The following KCNIP1 variants were observed in gnomAD, a reference collection of about 807,000 sequenced individuals.
KCNIP1 encodes the protein potassium voltage-gated channel interacting protein 1, also known as A-type potassium channel modulatory protein KCNIP1.
In KCNIP1, 18 loss-of-function variants were observed where a neutral mutation model predicts 33.0. The observed-to-expected ratio is 0.55, with a 90% CI of 0.38 to 0.81. KCNIP1 has a LOEUF of 0.81. Among genes scored for constraint, KCNIP1 ranks in the 30% least tolerant of loss-of-function variants. The pLI, the probability that KCNIP1 is intolerant of heterozygous loss-of-function variation, is 0.00. For synonymous variants in KCNIP1, 93 were observed against 98.3 expected (o/e 0.95, Z 0.32); for missense variants, 238 against 271.6 (o/e 0.88, Z 0.87).
chr5:170,619,047 A>G (rs1254145979), intron 1 of KCNIP1, among the ~76,000 whole-genome samples: 4 of 148,234 alleles, frequency 2.7e-5, no homozygotes, highest in South Asian at 2.1e-4. Context: ...TGCCTAGCAC[A>G]TGGTAAGTGT....
intron 1 of KCNIP1, among the ~76,000 whole-genome samples, chr5:170,624,618 G>T (rs115338108): frequency 6.6e-6 from 1 of 151,370 alleles, no homozygotes; most frequent in African/African-American, 2.4e-5. Context: ...AATCTCACAC[G>T]CAGTTTAAAC....
chr5:170,524,694 G>A (rs1460743118), intron 1 of KCNIP1, among the ~76,000 whole-genome samples: 1 of 152,116 alleles, frequency 6.6e-6, no homozygotes, highest in Admixed American at 6.6e-5. Context: ...TATGGGGCGG[G>A]GCGGGAATTC....
chr5:170,643,250 T>A (rs568018464), intron 1 of KCNIP1, among the ~76,000 whole-genome samples: 16 of 152,370 alleles, frequency 1.1e-4, no homozygotes, highest in Admixed American at 5.9e-4. Flanking sequence ...GTTTTCTCTG[T>A]GAGCTTCCCC....
At chr5:170,637,225 G>C (rs921342899) in intron 1 of KCNIP1, among the ~76,000 whole-genome samples, 15 of 151,850 alleles carry the variant, frequency 9.9e-5, no homozygotes, top group Non-Finnish European at 1.8e-4. Context: ...CCAGAACCAC[G>C]GCCCTTGACA....
rs898609574 is a variant in KCNIP1, at chr5:170,628,748, G to A, written c.62-90010G>A. Among the ~76,000 whole-genome samples the A allele has an allele frequency of 3.3e-5, 5 of 152,292 alleles. No individual in the cohort carries two copies. The South Asian group carries it at 6.2e-4, about 19-fold the overall frequency. ...CAATACATGAATATTGACACACAAC[G>A]CTGCAGTGCACGCGCTTCTGGCAGG... On this transcript the variant is annotated intron_variant, in intron 1 of 7. Transcript: ENST00000328939.
intron 1 of KCNIP1, among the ~76,000 whole-genome samples, chr5:170,631,110 A>C (rs1170681672): frequency 6.6e-6 from 1 of 152,132 alleles, no homozygotes; most frequent in African/African-American, 2.4e-5. Context: ...CTCCTCTATG[A>C]ATGGGGACAA....
chr5:170,487,214 G>C (rs1757116499), intron 1 of KCNIP1, among the ~76,000 whole-genome samples: 1 of 152,178 alleles, frequency 6.6e-6, no homozygotes, highest in Non-Finnish European at 1.5e-5. Context: ...TCCTGGGAGA[G>C]ACCTCAGTCT....
intron 1 of KCNIP1, among the ~76,000 whole-genome samples, chr5:170,652,038 C>T (rs566998271): frequency 8.6e-5 from 13 of 152,030 alleles, no homozygotes; most frequent in Non-Finnish European, 1.6e-4. Context: ...AATAAATAGG[C>T]GTTTGTGGCT....
At chr5:170,706,878 C>A (rs1418699527) in intron 1 of KCNIP1, among the ~76,000 whole-genome samples, 1 of 152,128 alleles carries the variant, frequency 6.6e-6, no homozygotes, top group Non-Finnish European at 1.5e-5. Flanking sequence ...TTATATCCCG[C>A]AGAAATATTG....
chr5:170,717,585 A>G (rs1763681566), intron 1 of KCNIP1, among the ~76,000 whole-genome samples: 1 of 152,220 alleles, frequency 6.6e-6, no homozygotes, highest in South Asian at 2.1e-4. Context: ...ACTTAATTTG[A>G]TGGATTCCTT....
At chr5:170,518,721 A>C (rs184491742) in intron 1 of KCNIP1, among the ~76,000 whole-genome samples, 1 of 152,274 alleles carries the variant, frequency 6.6e-6, no homozygotes, top group East Asian at 1.9e-4. Context: ...AAGCCCCCGG[A>C]TGTCAGCTTG....
chr5:170,400,055 C>A (rs1367878129), intron 1 of KCNIP1, among the ~76,000 whole-genome samples: 1 of 152,216 alleles, frequency 6.6e-6, no homozygotes, highest in African/African-American at 2.4e-5. Context: ...TTGCCCAAAG[C>A]CACATAGCTT....
upstream of KCNIP1, among the ~76,000 whole-genome samples, chr5:170,503,875 C>G (rs1313192484): frequency 6.6e-6 from 1 of 152,022 alleles, no homozygotes; most frequent in African/African-American, 2.4e-5. Flanking sequence ...CCGGGGCTCC[C>G]GCACATACCC....
chr5:170,473,859 C>T (rs976931529), intron 1 of KCNIP1, among the ~76,000 whole-genome samples: 4 of 152,176 alleles, frequency 2.6e-5, no homozygotes, highest in African/African-American at 7.2e-5. Context: ...AGTTCTCTGA[C>T]CCAGCCTCAC....
At chr5:170,627,914 G>A (rs570938190) in intron 1 of KCNIP1, among the ~76,000 whole-genome samples, 3 of 152,226 alleles carry the variant, frequency 2.0e-5, no homozygotes, top group South Asian at 2.1e-4. Flanking sequence ...TGAGAATATC[G>A]GGTGACCTCT....
intron 1 of KCNIP1, among the ~76,000 whole-genome samples, chr5:170,497,638 C>CT (rs1351898779): frequency 6.6e-6 from 1 of 152,242 alleles, no homozygotes; most frequent in East Asian, 1.9e-4. Flanking sequence ...ATCCACCCTT[C>CT]TGTCCACCCC....
At chr5:170,400,189 C>T (rs976960072) in intron 1 of KCNIP1, among the ~76,000 whole-genome samples, 12 of 152,142 alleles carry the variant, frequency 7.9e-5, no homozygotes, top group East Asian at 5.8e-4. Context: ...TGCATTAGTC[C>T]GTTTTCACAC....
intron 1 of KCNIP1, among the ~76,000 whole-genome samples, chr5:170,414,132 C>T (rs1755267361): frequency 6.6e-6 from 1 of 152,160 alleles, no homozygotes. Flanking sequence ...GTGTTGCAAT[C>T]AGTTAGCAAT....
chr5:170,394,991 T>C (rs1754721018), intron 1 of KCNIP1, among the ~76,000 whole-genome samples: 1 of 152,222 alleles, frequency 6.6e-6, no homozygotes, highest in African/African-American at 2.4e-5. Flanking sequence ...CTTTATCTAA[T>C]CTGCTGTTGT....
Sources: allele counts gnomAD v4.1 joint callset (sites outside exome capture counted in the v4.1 genomes callset), GRCh38; gene constraint gnomAD v4.1.1; transcripts MANE v1.5; gene names NCBI Gene and HGNC (gene_info 2026-07-23, HGNC 2026-07-21).